SHTN1: variants seen among roughly 807,000 people sequenced by gnomAD.
The protein encoded by SHTN1 is shootin-1.
A neutral mutation model predicts 83.1 loss-of-function variants in SHTN1; 42 were observed. That is an observed-to-expected ratio of 0.51 (90% CI 0.39 to 0.65). The LOEUF is 0.65. Among genes scored for constraint, SHTN1 ranks in the 30% least tolerant of loss-of-function variants. The pLI is 0.00. For missense variants in SHTN1, 622 were observed against 737.8 expected (o/e 0.84, Z 1.82); for synonymous variants, 224 against 247.7 (o/e 0.90, Z 0.90).
chr10:117,093,445 C>T (rs1411837066), intron 1 of SHTN1, among the ~76,000 whole-genome samples: 4 of 151,936 alleles, frequency 2.6e-5, no homozygotes, highest in Non-Finnish European at 2.9e-5. Context: ...CTCGGGAGGC[C>T]GAGGTGGGAG....
At chr10:116,936,054 C>T (rs544027873) in intron 9 of SHTN1, among the ~76,000 whole-genome samples, 14 of 152,210 alleles carry the variant, frequency 9.2e-5, no homozygotes, top group Admixed American at 8.5e-4. Context: ...ATTCTTCTCT[C>T]TTTTCTTCTT....
intron 1 of SHTN1, 98 bp from the exon 2 acceptor site, chr10:116,979,406 T>C (rs561571902): frequency 2.1e-6 from 2 of 935,058 alleles, no homozygotes; most frequent in East Asian, 2.4e-5. Context: ...TCTTACTAGG[T>C]TGAGGTAGGG....
intron 1 of SHTN1, among the ~76,000 whole-genome samples, chr10:116,992,267 G>C (rs1442686590): frequency 6.6e-6 from 1 of 152,120 alleles, no homozygotes; most frequent in Non-Finnish European, 1.5e-5. Context: ...GATAACACAA[G>C]TTAAAGATAA....
At chr10:116,997,174 G>A (rs1430085056) in intron 1 of SHTN1, among the ~76,000 whole-genome samples, 2 of 152,136 alleles carry the variant, frequency 1.3e-5, no homozygotes, top group Admixed American at 1.3e-4. Context: ...AGAAATCTGC[G>A]AGTAGACTTT....
chr10:117,035,708 T>G (rs1053530691), intron 2 of SHTN1, among the ~76,000 whole-genome samples: 1 of 151,838 alleles, frequency 6.6e-6, no homozygotes, highest in African/African-American at 2.4e-5. Context: ...TCCCAGCACT[T>G]TGGGAGGCTG....
chr10:117,026,611 A>G lies in SHTN1; in HGVS notation c.-123+21834T>C, dbSNP rs570832742. Among the ~76,000 whole-genome samples, 33 of 152,256 alleles carry G rather than the reference A, an allele frequency of 2.2e-4. No individual in the cohort carries two copies. In the South Asian group the frequency reaches 6.0e-3, roughly 28 times the overall value. ...CTAATTTTGTATTTTTAGTAGAGAC[A>G]GGGTTTCACCATGTTGGTCAGGCTG... is the stretch of plus-strand genomic sequence containing the variant. On this transcript the variant is annotated intron_variant, in intron 2 of 17. Coordinates refer to the SHTN1 transcript ENST00000392901.
At chr10:117,082,331 T>A (rs1337404628) in intron 1 of SHTN1, among the ~76,000 whole-genome samples, 2 of 142,582 alleles carry the variant, frequency 1.4e-5, no homozygotes, top group African/African-American at 2.6e-5. Flanking sequence ...TCAGTTTCCA[T>A]GTAGTTGAGC....
intron 7 of SHTN1, among the ~76,000 whole-genome samples, chr10:116,948,703 T>C (rs1454378270): frequency 6.6e-6 from 1 of 152,164 alleles, no homozygotes; most frequent in Non-Finnish European, 1.5e-5. Flanking sequence ...GTGGGTTCCT[T>C]GTTCCTCAAG....
intron 2 of SHTN1, among the ~76,000 whole-genome samples, chr10:117,048,023 C>G (rs1852691444): frequency 6.6e-6 from 1 of 152,078 alleles, no homozygotes; most frequent in African/African-American, 2.4e-5. Context: ...GAACAAACTA[C>G]TGAAGATCAG....
chr10:117,010,493 T>C (rs1852088045), upstream of SHTN1, among the ~76,000 whole-genome samples: 1 of 152,196 alleles, frequency 6.6e-6, no homozygotes, highest in African/African-American at 2.4e-5. Context: ...TGGTGAATTC[T>C]ATCAAACATT....
At position 117,016,844 on chromosome 10, in the gene SHTN1, C is replaced by CA. The variant is rs201369290; in HGVS notation, c.-123+31600dup. On this transcript the variant is annotated intron_variant, in intron 2 of 17. Coordinates refer to the SHTN1 transcript ENST00000392901. The stretch of plus-strand genomic sequence containing the variant: ...GAACTCATGTTGATATTAATATATA[C>CA]AAATAGGTACATACATAAAGGTATA... Among the ~76,000 whole-genome samples the CA allele has an allele frequency of 4.1e-3, 619 of 152,190 alleles. 4 individuals carry two copies. The highest frequency in any genetic ancestry group is 0.014 in the African/African-American group (581 of 41,538).
At chr10:116,957,889 G>T (rs1020287848) in intron 4 of SHTN1, among the ~76,000 whole-genome samples, 1 of 152,004 alleles carries the variant, frequency 6.6e-6, no homozygotes, top group Non-Finnish European at 1.5e-5. Flanking sequence ...GTGAAACACT[G>T]TCTCTACTAA....
chr10:117,126,480 C>T (rs1270489980), exon 1 of SHTN1: 2 of 208,538 alleles, frequency 9.6e-6, no homozygotes, highest in Admixed American at 1.1e-4. Flanking sequence ...CACGCATGCC[C>T]CTCGCCTCGC....
chr10:116,968,702 A>G lies in SHTN1; in HGVS notation c.122T>C (p.Ile41Thr). Residue 41 changes from isoleucine to threonine, a missense_variant, in exon 3 of 17, where the codon ATT (isoleucine) becomes ACT (threonine). Physicochemically the swap from Ile to Thr is moderately conservative, Grantham distance 89. This residue lies in a region of SHTN1 where 383 missense variants were observed against 455.8 expected (regional missense o/e 0.84). Transcript: ENST00000355371. Reference sequence around the variant, plus strand: ...AACGGCTTCATCTCGTTCTTGCCTAATTTTGTCACACTGAAATGAGAGAAG... The same window carrying G: ...AACGGCTTCATCTCGTTCTTGCCTAGTTTTGTCACACTGAAATGAGAGAAG... ...NQKTKEKCDKIRQERDEAVKK... is the reference protein window; with the variant it reads ...NQKTKEKCDKTRQERDEAVKK... The G allele has an allele frequency of 6.2e-7, 1 of 1,611,722 alleles. No individual in the cohort carries two copies. Among genetic ancestry groups the G allele is most frequent in the Non-Finnish European group, 8.5e-7 (1 of 1,178,430 alleles).
chr10:117,007,696 A>G (rs117967254), upstream of SHTN1, among the ~76,000 whole-genome samples: 1,342 of 151,872 alleles, frequency 8.8e-3, 19 homozygotes, highest in Non-Finnish European at 0.015. Flanking sequence ...TTTATATGAT[A>G]TGAATATTGA....
At chr10:117,072,014 T>G (rs1210335184) in intron 1 of SHTN1, among the ~76,000 whole-genome samples, 1 of 152,232 alleles carries the variant, frequency 6.6e-6, no homozygotes, top group African/African-American at 2.4e-5. Flanking sequence ...TAAGACTTTG[T>G]TCCTGACAGG....
chr10:117,076,809 G>A (rs1237004026), intron 1 of SHTN1, among the ~76,000 whole-genome samples: 6 of 152,136 alleles, frequency 3.9e-5, no homozygotes, highest in Admixed American at 2.6e-4. Flanking sequence ...TCATACAGAC[G>A]CCTCTGAATT....
intron 13 of SHTN1, among the ~76,000 whole-genome samples, chr10:116,913,388 T>A (rs1431256455): frequency 6.6e-6 from 1 of 152,236 alleles, no homozygotes; most frequent in African/African-American, 2.4e-5. Flanking sequence ...CAGCACTGTA[T>A]CTACACAGTT....
chr10:116,972,356 T>C (rs1466244523), intron 2 of SHTN1, among the ~76,000 whole-genome samples: 5 of 151,680 alleles, frequency 3.3e-5, no homozygotes, highest in Non-Finnish European at 7.4e-5. Context: ...GGGGTGTGAG[T>C]TGGGGGTGGG....
Sources: gnomAD v4.1 joint callset for allele counts (sites outside exome capture counted in the v4.1 genomes callset) on GRCh38, gnomAD v4.1.1 for gene constraint, gnomAD v4.1.1 regional missense constraint, MANE v1.5 for transcripts, NCBI Gene and HGNC (gene_info 2026-07-23, HGNC 2026-07-21) for gene names.